Variants in NTM observed in about 807,000 individuals in gnomAD.
NTM encodes the protein neurotrimin.
A neutral mutation model predicts 42.1 loss-of-function variants in NTM; 13 were observed. The ratio of observed to expected loss-of-function variants is 0.31; its 90% CI spans 0.20 to 0.49. The LOEUF (loss-of-function observed/expected upper bound fraction) is 0.49, where lower values mean the gene tolerates loss of function less well. NTM is among the 20% of genes least tolerant of loss of function. NTM has a pLI of 0.99. For missense variants in NTM, 373 were observed against 452.8 expected, an observed-to-expected ratio of 0.82 and a Z score of 1.60; for synonymous variants, 187 against 179.2, an observed-to-expected ratio of 1.04 and a Z score of -0.35.
intron 1 of NTM, among the ~76,000 whole-genome samples, chr11:131,657,332 A>T (rs2067334806): frequency 6.6e-6 from 1 of 152,086 alleles, no homozygotes. Flanking sequence ...ATGGCAGAAG[A>T]ACTATGCCGT....
chr11:131,646,498 C>T (rs1386066324), intron 1 of NTM, among the ~76,000 whole-genome samples: 1 of 152,144 alleles, frequency 6.6e-6, no homozygotes, highest in Non-Finnish European at 1.5e-5. Context: ...TTCTGCAAGT[C>T]AATTATTTCT....
rs141815099 is a variant in NTM at position 131,945,275 on chromosome 11, C to G, written c.167+33627C>G. Reference sequence around the variant, plus strand: ...ACATAGCAAGAGGTCTGCTGTAGCACTTAACGGTGCATTCAGGGGTTTAAT... The same window carrying G: ...ACATAGCAAGAGGTCTGCTGTAGCAGTTAACGGTGCATTCAGGGGTTTAAT... On this transcript the variant is annotated intron_variant, in intron 2 of 8. Coordinates refer to ENST00000683400, the MANE Select transcript of NTM (RefSeq NM_001352005.2). Among the ~76,000 whole-genome samples, 215 of 152,318 alleles carry G rather than the reference C, an allele frequency of 1.4e-3. 1 individual carries two copies. Among genetic ancestry groups the G allele is most frequent in the African/African-American group, 4.9e-3 (204 of 41,564 alleles).
chr11:132,133,902 G>A (rs1239513799), intron 2 of NTM, among the ~76,000 whole-genome samples: 2 of 152,172 alleles, frequency 1.3e-5, no homozygotes, highest in Non-Finnish European at 1.5e-5. Context: ...GCATTTGAGG[G>A]CAGCTACAGC....
intron 1 of NTM, among the ~76,000 whole-genome samples, chr11:131,455,790 G>A (rs2136076680): frequency 6.6e-6 from 1 of 152,224 alleles, no homozygotes; most frequent in Admixed American, 6.5e-5. Context: ...CAAGGCAGCG[G>A]GCATACCTCA....
At chr11:131,860,601 A>C (rs2046531867) in intron 1 of NTM, among the ~76,000 whole-genome samples, 1 of 152,200 alleles carries the variant, frequency 6.6e-6, no homozygotes, top group Non-Finnish European at 1.5e-5. Flanking sequence ...GCTTGCACGG[A>C]TAATCTAGGC....
rs547184060 is a variant in NTM, at chr11:132,252,403, C to T, written c.526+40256C>T. ...GGGCTGGCTGCAGGAATATCCCATA[C>T]TGTTCAGCCACCCATTTTCTTGAGA... is the stretch of plus-strand genomic sequence containing the variant. On this transcript the variant is annotated intron_variant, in intron 4 of 8. Coordinates refer to ENST00000683400, the MANE Select transcript of NTM (RefSeq NM_001352005.2). Among the ~76,000 whole-genome samples the T allele has an allele frequency of 3.3e-5, 5 of 152,254 alleles. 1 individual carries two copies. The South Asian group carries it at 1.0e-3, about 32-fold the overall frequency.
chr11:132,004,903 C>A (rs983825380), intron 2 of NTM, among the ~76,000 whole-genome samples: 1 of 152,142 alleles, frequency 6.6e-6, no homozygotes, highest in Non-Finnish European at 1.5e-5. Flanking sequence ...AAATTGCTGA[C>A]AGTTTTAATA....
intron 4 of NTM, among the ~76,000 whole-genome samples, chr11:132,248,417 C>T (rs559595746): frequency 5.9e-5 from 9 of 151,896 alleles, no homozygotes; most frequent in African/African-American, 1.9e-4. Flanking sequence ...TCTTTCTTCT[C>T]CCCTTGCTTT....
chr11:131,868,679 T>C (rs1458687538), intron 1 of NTM, among the ~76,000 whole-genome samples: 1 of 152,218 alleles, frequency 6.6e-6, no homozygotes, highest in Non-Finnish European at 1.5e-5. Flanking sequence ...ACCTTTGTTA[T>C]TGTTTTCTTT....
intron 1 of NTM, among the ~76,000 whole-genome samples, chr11:131,385,021 A>G (rs565105179): frequency 2.0e-5 from 3 of 152,298 alleles, no homozygotes; most frequent in South Asian, 4.1e-4. Flanking sequence ...TGAGGGAGAG[A>G]TGAAGAAGAA....
intron 1 of NTM, among the ~76,000 whole-genome samples, chr11:131,403,927 C>T (rs1479902814): frequency 1.3e-5 from 2 of 152,170 alleles, no homozygotes; most frequent in African/African-American, 2.4e-5. Flanking sequence ...GGCCTCTCCT[C>T]TCTCCCCTCA....
intron 1 of NTM, among the ~76,000 whole-genome samples, chr11:131,512,974 T>G (rs892861768): frequency 3.3e-5 from 5 of 152,140 alleles, no homozygotes; most frequent in African/African-American, 9.7e-5. Context: ...CACTGAGATC[T>G]CGGGACATTT....
chr11:131,459,407 A>G (rs556037282), intron 1 of NTM, among the ~76,000 whole-genome samples: 1 of 152,374 alleles, frequency 6.6e-6, no homozygotes, highest in East Asian at 1.9e-4. Flanking sequence ...ATTGATGAGA[A>G]TAAGAAGTAA....
intron 1 of NTM, among the ~76,000 whole-genome samples, chr11:131,828,251 A>G (rs1054912874): frequency 1.3e-5 from 2 of 151,964 alleles, no homozygotes; most frequent in African/African-American, 4.8e-5. Context: ...TATTATTTGT[A>G]CTCTCGTCAC....
chr11:132,331,806 A>G (rs1163344038), intron 8 of NTM, among the ~76,000 whole-genome samples: 1 of 152,208 alleles, frequency 6.6e-6, no homozygotes, highest in Non-Finnish European at 1.5e-5. Flanking sequence ...GGAATGAAGA[A>G]TAAGAGTGAT....
chr11:131,901,265 A>G (rs975920435), intron 1 of NTM, among the ~76,000 whole-genome samples: 2 of 152,240 alleles, frequency 1.3e-5, no homozygotes, highest in African/African-American at 4.8e-5. Flanking sequence ...AGTCAAAGCC[A>G]TTAACTCCAG....
intron 1 of NTM, among the ~76,000 whole-genome samples, chr11:131,509,753 C>T (rs1264941379): frequency 6.6e-6 from 1 of 152,194 alleles, no homozygotes; most frequent in African/African-American, 2.4e-5. Context: ...GGTTGGGATT[C>T]TAATTCTTTC....
At chr11:131,756,033 A>G (rs951336272) in intron 1 of NTM, among the ~76,000 whole-genome samples, 35 of 152,224 alleles carry the variant, frequency 2.3e-4, no homozygotes, top group African/African-American at 8.4e-4. Flanking sequence ...CCTGGACAGG[A>G]GACAAGAGAA....
At chr11:131,610,739 A>G (rs1475148052) in intron 1 of NTM, among the ~76,000 whole-genome samples, 1 of 152,162 alleles carries the variant, frequency 6.6e-6, no homozygotes, top group Admixed American at 6.5e-5. Context: ...GGAATGGAGG[A>G]GGGCGTGAGT....
Sources: allele counts gnomAD v4.1 joint callset (sites outside exome capture counted in the v4.1 genomes callset), GRCh38; gene constraint gnomAD v4.1.1; transcripts MANE v1.5; gene names NCBI Gene and HGNC (gene_info 2026-07-23, HGNC 2026-07-21).